LAMA1: variants seen among roughly 807,000 people sequenced by gnomAD.
LAMA1 encodes the protein laminin subunit alpha-1.
LAMA1 carries 219 observed loss-of-function variants against 348.7 expected under a neutral mutation model. The observed-to-expected ratio is 0.63, with a 90% CI of 0.56 to 0.70. LAMA1 has a LOEUF of 0.70. Ranked by LOEUF, LAMA1 falls within the 30% of genes least tolerant of loss-of-function variation. LAMA1 has a pLI of 0.00. For missense variants in LAMA1, 3,744 were observed against 3,888.0 expected (o/e 0.96, Z 0.99); for synonymous variants, 1,487 against 1,491.0 (o/e 1.00, Z 0.06).
In LAMA1 at chr18:6,980,509, CTTTCCACT is replaced by C. The variant is rs775347281; in HGVS notation, c.6007+4_6007+11del. The C allele has an allele frequency of 2.0e-6, 3 of 1,483,144 alleles. No individual in the cohort carries two copies. In the Admixed American group the frequency reaches 5.0e-5, roughly 25 times the overall value. The allele number at this position is 1,483,144 out of a possible 1,614,324, so 91.9% of individuals were successfully genotyped here. A position where few individuals can be genotyped will look rare whatever the true frequency, so the allele number is the denominator to read the frequency against. ...AAGACGTTATTTACAGAAGAAAGTC[CTTTCCACT>C]TACCTTTAGGAATTGCTCTAAGTAT... On this transcript the variant is annotated splice_donor_5th_base_variant and intron_variant, in intron 42 of 62. Transcript: ENST00000389658.
At chr18:6,959,529 A>C (rs749785907) in intron 53 of LAMA1, 37 bp from the exon 54 acceptor site, 1 of 1,610,940 alleles carries the variant, frequency 6.2e-7, no homozygotes, top group Admixed American at 1.7e-5. Context: ...CAGACAAAAC[A>C]CATTACTATA....
intron 60 of LAMA1, among the ~76,000 whole-genome samples, chr18:6,947,897 G>T (rs568203207): frequency 6.6e-6 from 1 of 152,178 alleles, no homozygotes; most frequent in East Asian, 1.9e-4. Flanking sequence ...GCTGGGGGGT[G>T]CAAGGGGAGC....
At chr18:7,024,545 A>G in intron 17 of LAMA1, 79 bp from the exon 18 acceptor site, 1 of 1,157,968 alleles carries the variant, frequency 8.6e-7, no homozygotes, top group Non-Finnish European at 1.3e-6. Context: ...CTTCATTTCT[A>G]CTACTCCTGT....
intron 3 of LAMA1, among the ~76,000 whole-genome samples, chr18:7,051,615 T>A (rs1439089410): frequency 6.6e-6 from 1 of 152,220 alleles, no homozygotes; most frequent in African/African-American, 2.4e-5. Flanking sequence ...GTTTCCAATG[T>A]CTTTATTTGG....
At chr18:7,027,637 G>T (rs1040810575) in intron 16 of LAMA1, among the ~76,000 whole-genome samples, 4 of 152,040 alleles carry the variant, frequency 2.6e-5, no homozygotes, top group African/African-American at 7.2e-5. Flanking sequence ...GATGGAATTG[G>T]CAGGCTTTTA....
In LAMA1 at chr18:6,949,270, G is replaced by A. The variant is rs778973650; in HGVS notation, c.8398-11C>T. ...ATAGTCTGTCTTGACCTACAGCAAA[G>A]TGAAAACATGCATAATTTTTGAGGA... On this transcript the variant is annotated splice_polypyrimidine_tract_variant and intron_variant, in intron 58 of 62. Transcript: ENST00000389658. The A allele has an allele frequency of 1.2e-6, 2 of 1,613,882 alleles. No individual in the cohort carries two copies. Among genetic ancestry groups the A allele is most frequent in the Admixed American group, 3.3e-5 (2 of 59,992 alleles).
At chr18:7,082,078 C>T (rs533621781) in intron 1 of LAMA1, among the ~76,000 whole-genome samples, 114 of 152,050 alleles carry the variant, frequency 7.5e-4, no homozygotes, top group African/African-American at 2.7e-3. Flanking sequence ...CACTAAAAAC[C>T]TTACCATGCA....
intron 1 of LAMA1, among the ~76,000 whole-genome samples, chr18:7,112,043 T>C (rs1444309431): frequency 1.3e-5 from 2 of 152,020 alleles, no homozygotes; most frequent in Non-Finnish European, 2.9e-5. Context: ...AACTTCTCTA[T>C]ATCATAAATC....
intron 3 of LAMA1, among the ~76,000 whole-genome samples, chr18:7,075,312 A>C (rs1029239188): frequency 9.2e-5 from 14 of 152,244 alleles, no homozygotes; most frequent in Admixed American, 3.3e-4. Flanking sequence ...AGGGGGGGGA[A>C]GTTAAAAAAA....
chr18:6,985,225 G>A lies in LAMA1; in HGVS notation c.5660+12C>T, dbSNP rs1375626006. ...TGCAAGCTCTTGAGTTCCCACAAAG[G>A]CGTGTTCCTACCTGTACAGAACATC... On this transcript the variant is annotated intron_variant, in intron 39 of 62. Coordinates refer to ENST00000389658, the MANE Select transcript of LAMA1 (RefSeq NM_005559.4). 3.7e-6 allele frequency: 6 copies of A among 1,613,808 alleles called. No homozygotes were observed. The African/African-American group carries it at 8.0e-5, about 22-fold the overall frequency.
intron 3 of LAMA1, among the ~76,000 whole-genome samples, chr18:7,075,233 A>G (rs2058162528): frequency 6.6e-6 from 1 of 152,198 alleles, no homozygotes; most frequent in African/African-American, 2.4e-5. Context: ...TTTTTATAGT[A>G]CTGAAACAAA....
At chr18:7,095,925 A>T (rs768942371) in intron 1 of LAMA1, among the ~76,000 whole-genome samples, 12 of 152,200 alleles carry the variant, frequency 7.9e-5, no homozygotes, top group Non-Finnish European at 1.2e-4. Flanking sequence ...AAAATTCGCC[A>T]GGCGTGGTGG....
intron 1 of LAMA1, among the ~76,000 whole-genome samples, chr18:7,095,725 T>A (rs546847180): frequency 6.6e-6 from 1 of 152,368 alleles, no homozygotes; most frequent in East Asian, 1.9e-4. Context: ...ACTGGAGACA[T>A]TAACTGAGTG....
At chr18:7,110,239 G>T (rs151169021) in intron 1 of LAMA1, among the ~76,000 whole-genome samples, 1 of 151,580 alleles carries the variant, frequency 6.6e-6, no homozygotes, top group Non-Finnish European at 1.5e-5. Flanking sequence ...TGGTTTAGAG[G>T]CTGGTGGCAT....
At chr18:7,016,310 G>A (rs1477380664) in intron 21 of LAMA1, among the ~76,000 whole-genome samples, 181 bp downstream of exon 21, 1 of 152,214 alleles carries the variant, frequency 6.6e-6, no homozygotes, top group Non-Finnish European at 1.5e-5. Flanking sequence ...GCAGAGCCAT[G>A]ACCAAAACTT....
chr18:7,084,980 A>T (rs2058208729), intron 1 of LAMA1, among the ~76,000 whole-genome samples: 1 of 152,186 alleles, frequency 6.6e-6, no homozygotes, highest in Non-Finnish European at 1.5e-5. Context: ...CCAAGCATTC[A>T]AAGTCTTAAT....
intron 61 of LAMA1, 40 bp downstream of exon 61, chr18:6,947,123 A>G: frequency 6.2e-7 from 1 of 1,613,924 alleles, no homozygotes; most frequent in Non-Finnish European, 8.5e-7. Flanking sequence ...TGTCTCTGAC[A>G]CTGGGGGGAG....
intron 3 of LAMA1, among the ~76,000 whole-genome samples, chr18:7,061,767 G>C (rs959095458): frequency 1.3e-5 from 2 of 152,158 alleles, no homozygotes; most frequent in Non-Finnish European, 2.9e-5. Flanking sequence ...GATGTAGATG[G>C]GCGCGGTGGA....
Position 7,107,311 on chromosome 18 carries a change from A to G in LAMA1, c.61+10349T>C, listed in dbSNP as rs561507562. On this transcript the variant is annotated intron_variant, in intron 1 of 62. Coordinates refer to ENST00000389658, the MANE Select transcript of LAMA1 (RefSeq NM_005559.4). ...TTTTTTGTATTTTTAGTGGAGACGGAGTTTCACTGTGTTAGCCAGGATGGT... is the reference window on the plus strand; with the variant it reads ...TTTTTTGTATTTTTAGTGGAGACGGGGTTTCACTGTGTTAGCCAGGATGGT... Among the ~76,000 whole-genome samples the G allele has an allele frequency of 4.2e-3, 630 of 151,806 alleles. 4 individuals are homozygous for G. Among genetic ancestry groups the G allele is most frequent in the African/African-American group, 0.014 (598 of 41,418 alleles).
Sources: allele counts gnomAD v4.1 joint callset (sites outside exome capture counted in the v4.1 genomes callset), GRCh38; gene constraint gnomAD v4.1.1; transcripts MANE v1.5; gene names NCBI Gene and HGNC (gene_info 2026-07-23, HGNC 2026-07-21).